SCFD2: variants seen among roughly 807,000 people sequenced by gnomAD.
SCFD2 encodes sec1 family domain-containing protein 2.
In SCFD2, 54 loss-of-function variants were observed where a neutral mutation model predicts 58.9. The observed-to-expected ratio is 0.92, with a 90% CI of 0.74 to 1.15. The LOEUF (loss-of-function observed/expected upper bound fraction) is 1.15, where lower values mean the gene tolerates loss of function less well. Among genes scored for constraint, SCFD2 ranks in the 50% most tolerant of loss-of-function variants. SCFD2 has a pLI of 0.00. For missense variants in SCFD2, 805 were observed against 836.6 expected (o/e 0.96, Z 0.47); for synonymous variants, 321 against 335.9 (o/e 0.96, Z 0.49).
intron 5 of SCFD2, among the ~76,000 whole-genome samples, chr4:53,128,941 C>T (rs1725709533): frequency 6.6e-6 from 1 of 152,096 alleles, no homozygotes; most frequent in Non-Finnish European, 1.5e-5. Flanking sequence ...TGGAAAAGAA[C>T]CCCCAAATTG....
chr4:52,920,850 G>T lies in SCFD2; in HGVS notation c.1582C>A (p.Leu528Met). The change falls in exon 6 of 9, where the codon CTG (leucine) becomes ATG (methionine). Residue 528 changes from leucine to methionine, a missense_variant. By Grantham distance (15) the Leu-to-Met change is conservative. Around this residue, in one of 3 missense-constraint regions of SCFD2, gnomAD observed 633 missense variants for 646.8 expected, o/e 0.98. Transcript: ENST00000401642. ...KITDWDSSIN[L>M]TFHKSKIAVD... ...GCAATTTTGGATTTGTGAAATGTCA[G>T]ATTAATTGAAGAGTCCCAGTCTGAA... The T allele has an allele frequency of 6.2e-7, 1 of 1,610,784 alleles. No homozygotes were observed. Among genetic ancestry groups the T allele is most frequent in the Non-Finnish European group, 8.5e-7 (1 of 1,178,102 alleles).
intron 4 of SCFD2, among the ~76,000 whole-genome samples, chr4:53,197,280 C>T (rs938019334): frequency 2.6e-5 from 4 of 152,096 alleles, no homozygotes; most frequent in Non-Finnish European, 5.9e-5. Flanking sequence ...TTTCAAAATG[C>T]CAAATGTAAT....
intron 5 of SCFD2, among the ~76,000 whole-genome samples, chr4:53,135,252 T>A (rs1725901861): frequency 6.6e-6 from 1 of 152,230 alleles, no homozygotes; most frequent in Non-Finnish European, 1.5e-5. Flanking sequence ...GCGGGGGCTC[T>A]AGAATAAAGA....
At chr4:52,881,633 C>T (rs902058233) in intron 8 of SCFD2, among the ~76,000 whole-genome samples, 3 of 152,130 alleles carry the variant, frequency 2.0e-5, no homozygotes, top group Non-Finnish European at 4.4e-5. Context: ...AGTTCCTGTA[C>T]GTGGTTCCAA....
At chr4:52,901,287 C>T (rs2109464877) in intron 7 of SCFD2, among the ~76,000 whole-genome samples, 1 of 152,302 alleles carries the variant, frequency 6.6e-6, no homozygotes, top group Middle Eastern at 3.4e-3. Context: ...CTTGGCTCCA[C>T]CCCCGGCTCT....
At chr4:52,981,806 G>A (rs554425658) in intron 5 of SCFD2, among the ~76,000 whole-genome samples, 1 of 152,162 alleles carries the variant, frequency 6.6e-6, no homozygotes, top group African/African-American at 2.4e-5. Context: ...ATGGGCAGCA[G>A]TTGAAGGATG....
At chr4:53,085,049 A>G (rs182174928) in intron 5 of SCFD2, among the ~76,000 whole-genome samples, 1 of 152,312 alleles carries the variant, frequency 6.6e-6, no homozygotes, top group East Asian at 1.9e-4. Flanking sequence ...CAACCAGACT[A>G]GAGAAAGAAG....
chr4:53,095,840 A>G (rs950862750), intron 5 of SCFD2, among the ~76,000 whole-genome samples: 1 of 150,440 alleles, frequency 6.6e-6, no homozygotes, highest in African/African-American at 2.4e-5. Flanking sequence ...CATTTACATT[A>G]GGTATATATC....
At chr4:53,071,019 T>G (rs1244541955) in intron 5 of SCFD2, among the ~76,000 whole-genome samples, 2 of 152,128 alleles carry the variant, frequency 1.3e-5, no homozygotes, top group Non-Finnish European at 2.9e-5. Context: ...TAAGCATAAG[T>G]GTCATATTCA....
chr4:53,311,882 C>T (rs186099861), intron 3 of SCFD2, among the ~76,000 whole-genome samples: 6 of 152,234 alleles, frequency 3.9e-5, no homozygotes, highest in Non-Finnish European at 7.4e-5. Context: ...GATCCGCCTG[C>T]CTCGGCCTCC....
chr4:52,932,987 G>A lies in SCFD2; in HGVS notation c.1562-12117C>T, dbSNP rs143694807. 2.0e-4 allele frequency among the ~76,000 whole-genome samples: 31 copies of A among 152,304 alleles called. No homozygotes were observed. The South Asian group carries it at 4.4e-3, about 21-fold the overall frequency. The stretch of plus-strand genomic sequence containing the variant: ...GTCCAGAGAGGGTTGCCAGTGGGCC[G>A]TGGTGAGGAGGAGAAGAGTAGAAAT... On this transcript the variant is annotated intron_variant, in intron 5 of 8. Transcript: ENST00000401642.
chr4:53,125,178 T>C (rs1577750252), intron 5 of SCFD2, among the ~76,000 whole-genome samples: 2 of 152,130 alleles, frequency 1.3e-5, no homozygotes, highest in South Asian at 4.2e-4. Flanking sequence ...TCTTAAAGAA[T>C]GAGTGGGAGT....
intron 4 of SCFD2, among the ~76,000 whole-genome samples, chr4:53,154,320 T>C (rs958768720): frequency 6.6e-6 from 1 of 152,158 alleles, no homozygotes; most frequent in Non-Finnish European, 1.5e-5. Flanking sequence ...ACAATCATGG[T>C]AGAAGGCAAA....
At chr4:52,987,219 G>A (rs868442456) in intron 5 of SCFD2, among the ~76,000 whole-genome samples, 1 of 151,124 alleles carries the variant, frequency 6.6e-6, no homozygotes, top group Non-Finnish European at 1.5e-5. Context: ...TAGTAGAGAC[G>A]GGGTTTCACC....
intron 5 of SCFD2, among the ~76,000 whole-genome samples, chr4:53,122,464 C>T (rs1050506643): frequency 4.6e-5 from 7 of 152,044 alleles, no homozygotes; most frequent in Non-Finnish European, 5.9e-5. Flanking sequence ...AAGGAAGAGC[C>T]TCAGCATAAA....
At chr4:52,959,969 A>G (rs1447278041) in intron 5 of SCFD2, among the ~76,000 whole-genome samples, 1 of 151,790 alleles carries the variant, frequency 6.6e-6, no homozygotes, top group African/African-American at 2.4e-5. Context: ...TTAGGCTGTA[A>G]GTGAACAATG....
chr4:53,197,308 A>C (rs1439840217), intron 4 of SCFD2, among the ~76,000 whole-genome samples: 28 of 152,140 alleles, frequency 1.8e-4, no homozygotes, highest in Non-Finnish European at 2.9e-5. Flanking sequence ...GCTTGTCCCC[A>C]ATCATCTGTT....
At chr4:53,275,379 A>G (rs1731297649) in intron 3 of SCFD2, among the ~76,000 whole-genome samples, 1 of 152,156 alleles carries the variant, frequency 6.6e-6, no homozygotes, top group Admixed American at 6.5e-5. Flanking sequence ...TAGGAGGGTG[A>G]GTCTCATGAG....
chr4:53,289,746 C>T (rs894317097), intron 3 of SCFD2, among the ~76,000 whole-genome samples: 1 of 152,058 alleles, frequency 6.6e-6, no homozygotes, highest in African/African-American at 2.4e-5. Flanking sequence ...CCCATTTTAG[C>T]TTTAAGGACA....
Sources: gnomAD v4.1 joint callset for allele counts (sites outside exome capture counted in the v4.1 genomes callset) on GRCh38, gnomAD v4.1.1 for gene constraint, gnomAD v4.1.1 regional missense constraint, MANE v1.5 for transcripts, NCBI Gene and HGNC (gene_info 2026-07-23, HGNC 2026-07-21) for gene names.